Variants in FBXO4 observed in about 807,000 individuals in gnomAD.
FBXO4 encodes the protein F-box protein 4.
In FBXO4, 36 loss-of-function variants were observed where a neutral mutation model predicts 43.7. The ratio of observed to expected loss-of-function variants is 0.82; its 90% confidence interval spans 0.63 to 1.09. The LOEUF (loss-of-function observed/expected upper bound fraction) is 1.09. Ranked by LOEUF, FBXO4 falls within the 50% of genes least tolerant of loss-of-function variation. The probability of loss-of-function intolerance (pLI) is 0.00; values close to 1 mark genes in which losing one functional copy is unlikely to be tolerated. For synonymous variants in FBXO4, 180 were observed against 165.6 expected (o/e 1.09, Z -0.67); for missense variants, 435 against 474.1 (o/e 0.92, Z 0.77).
chr5:42,017,985 T>C, the FBXO4 span, among the ~76,000 whole-genome samples: 4 of 151,980 alleles, frequency 2.6e-5, no homozygotes, highest in African/African-American at 9.7e-5. Flanking sequence ...GTTCAAATAG[T>C]AGTTTTAAAA....
chr5:41,967,451 G>T, the FBXO4 span: 1 of 592,642 alleles, frequency 1.7e-6, no homozygotes, highest in Non-Finnish European at 3.3e-6. Flanking sequence ...TACAATATCT[G>T]CAAGAATTGT....
chr5:41,962,680 C>T, the FBXO4 span, among the ~76,000 whole-genome samples: 1 of 152,158 alleles, frequency 6.6e-6, no homozygotes, highest in African/African-American at 2.4e-5. Context: ...TGCCTCCTAC[C>T]TTGTACTGGG....
At chr5:41,993,639 ATCGTTTTATGTATGTG>A in the FBXO4 span, among the ~76,000 whole-genome samples, 1 of 148,904 alleles carries the variant, frequency 6.7e-6, no homozygotes, top group Non-Finnish European at 1.5e-5. Flanking sequence ...ATATATATAT[ATCGTTTTATGTATGTG>A]TATATGCATA....
At chr5:41,988,580 A>T in the FBXO4 span, among the ~76,000 whole-genome samples, 6 of 152,100 alleles carry the variant, frequency 3.9e-5, no homozygotes, top group Admixed American at 3.3e-4. Flanking sequence ...GCAATTATTC[A>T]TCAACTACAG....
the FBXO4 span, among the ~76,000 whole-genome samples, chr5:41,999,638 G>C: frequency 4.0e-5 from 6 of 148,870 alleles, no homozygotes; most frequent in Non-Finnish European, 8.9e-5. Context: ...CTGCAAGCTT[G>C]AGGAGCAAAG....
the FBXO4 span, among the ~76,000 whole-genome samples, chr5:41,968,944 T>G: frequency 6.6e-6 from 1 of 152,204 alleles, no homozygotes; most frequent in Non-Finnish European, 1.5e-5. Flanking sequence ...AATTTTCAGT[T>G]TTTATCTTCT....
rs562206816 is a variant in FBXO4, at chr5:41,938,263, T to C, written c.899-1178T>C. On this transcript the variant is annotated intron_variant, in intron 5 of 6. Transcript: ENST00000281623. ...TTAAGTATATTATACTGTAAGTTTCTTCTATATGTGAAATGGCATAATATT... is the reference window on the plus strand; with the variant it reads ...TTAAGTATATTATACTGTAAGTTTCCTCTATATGTGAAATGGCATAATATT... Among the ~76,000 whole-genome samples, 10 of 152,332 alleles carry C rather than the reference T, an allele frequency of 6.6e-5. No homozygotes were observed. In the South Asian group the frequency reaches 2.1e-3, roughly 32 times the overall value.
chr5:42,038,368 G>A, the FBXO4 span, among the ~76,000 whole-genome samples: 1 of 152,100 alleles, frequency 6.6e-6, no homozygotes, highest in African/African-American at 2.4e-5. Context: ...TTCCAATAAA[G>A]GGGAAAGGAC....
At chr5:42,008,129 C>CCCAAAGTTAT in the FBXO4 span, among the ~76,000 whole-genome samples, 3 of 152,252 alleles carry the variant, frequency 2.0e-5, no homozygotes, top group East Asian at 5.8e-4. Flanking sequence ...GTTGAGTCTA[C>CCCAAAGTTAT]TGGGTAACAT....
chr5:41,945,636 G>A (rs12514192), downstream of FBXO4, among the ~76,000 whole-genome samples: 562 of 152,298 alleles, frequency 3.7e-3, 22 homozygotes, highest in Admixed American at 0.035. Flanking sequence ...AAAAGCCGAC[G>A]TTCATAGCTC....
chr5:42,033,350 C>T, the FBXO4 span, among the ~76,000 whole-genome samples: 1 of 152,070 alleles, frequency 6.6e-6, no homozygotes, highest in African/African-American at 2.4e-5. Context: ...CACTTAGACA[C>T]ACAGAACACT....
the FBXO4 span, among the ~76,000 whole-genome samples, chr5:41,998,270 A>G: frequency 6.6e-6 from 1 of 152,200 alleles, no homozygotes; most frequent in Non-Finnish European, 1.5e-5. Context: ...CCACCATTAG[A>G]TCTGATATAC....
the FBXO4 span, among the ~76,000 whole-genome samples, chr5:42,029,522 T>C: frequency 6.6e-6 from 1 of 152,098 alleles, no homozygotes; most frequent in Non-Finnish European, 1.5e-5. Flanking sequence ...TCCCTTTAAA[T>C]ACATTTCCTA....
At chr5:42,037,651 T>C in the FBXO4 span, among the ~76,000 whole-genome samples, 1 of 152,086 alleles carries the variant, frequency 6.6e-6, no homozygotes, top group Admixed American at 6.6e-5. Flanking sequence ...ATGTTAAGTT[T>C]TCCCTTTGAG....
At chr5:41,934,346 T>G in intron 5 of FBXO4, 38 bp downstream of exon 5, 1 of 1,612,820 alleles carries the variant, frequency 6.2e-7, no homozygotes, top group Non-Finnish European at 8.5e-7. Context: ...CACATTGTTC[T>G]TTTCAAAGCA....
At chr5:41,980,651 G>GTT in the FBXO4 span, among the ~76,000 whole-genome samples, 31 of 150,678 alleles carry the variant, frequency 2.1e-4, 1 homozygote, top group South Asian at 6.1e-3. Flanking sequence ...CGTTTTATGG[G>GTT]TTTTTTTTTG....
At chr5:41,957,515 T>G in the FBXO4 span, among the ~76,000 whole-genome samples, 1 of 149,796 alleles carries the variant, frequency 6.7e-6, no homozygotes, top group Non-Finnish European at 1.5e-5. Context: ...ATTATTAGTA[T>G]GCTGAATATT....
chr5:42,028,492 C>T, the FBXO4 span, among the ~76,000 whole-genome samples: 1 of 151,546 alleles, frequency 6.6e-6, no homozygotes, highest in Non-Finnish European at 1.5e-5. Context: ...GCTCTATGAC[C>T]TCTTATTGGA....
the FBXO4 span, among the ~76,000 whole-genome samples, chr5:41,947,587 G>A: frequency 6.6e-6 from 1 of 152,194 alleles, no homozygotes; most frequent in African/African-American, 2.4e-5. Context: ...AAAGACTGGG[G>A]AGTAGTGGGA....
Sources: allele counts gnomAD v4.1 joint callset (sites outside exome capture counted in the v4.1 genomes callset), GRCh38; gene constraint gnomAD v4.1.1; transcripts MANE v1.5; gene names NCBI Gene and HGNC (gene_info 2026-07-23, HGNC 2026-07-21).